ADAMTS2: variants seen among roughly 807,000 people sequenced by gnomAD.
ADAMTS2 encodes the protein ADAM metallopeptidase with thrombospondin type 1 motif 2, also known as A disintegrin and metalloproteinase with thrombospondin motifs 2.
Under a neutral mutation model 123.0 loss-of-function variants are expected in ADAMTS2, and 50 were observed. That is an observed-to-expected ratio of 0.41 (90% confidence interval 0.32 to 0.51). The LOEUF (loss-of-function observed/expected upper bound fraction) is 0.51. Ranked by LOEUF, ADAMTS2 falls within the 20% of genes least tolerant of loss-of-function variation. The probability of loss-of-function intolerance (pLI) is 0.35; values close to 1 mark genes in which losing one functional copy is unlikely to be tolerated. For missense variants in ADAMTS2, 1,494 were observed against 1,705.2 expected (o/e 0.88, Z 2.18); for synonymous variants, 678 against 695.4 (o/e 0.98, Z 0.39).
intron 7 of ADAMTS2, among the ~76,000 whole-genome samples, 158 bp downstream of exon 7, chr5:179,154,656 G>A (rs752032247): frequency 3.3e-5 from 5 of 152,208 alleles, no homozygotes; most frequent in African/African-American, 7.2e-5. Context: ...AGTGGGCCTC[G>A]GGCCAGCACT....
intron 4 of ADAMTS2, among the ~76,000 whole-genome samples, chr5:179,194,343 G>C (rs572520198): frequency 1.3e-5 from 2 of 152,286 alleles, no homozygotes; most frequent in East Asian, 3.9e-4. Context: ...TGCTCCCTGC[G>C]GTCTGGATCC....
At chr5:179,335,557 G>A (rs1056968674) in intron 2 of ADAMTS2, among the ~76,000 whole-genome samples, 17 of 152,258 alleles carry the variant, frequency 1.1e-4, no homozygotes, top group Non-Finnish European at 2.2e-4. Flanking sequence ...ACAGAAAGAT[G>A]GAAAAGTAGA....
chr5:179,343,608 C>A (rs920576128), intron 2 of ADAMTS2, among the ~76,000 whole-genome samples, 159 bp downstream of exon 2: 2 of 152,260 alleles, frequency 1.3e-5, no homozygotes, highest in Non-Finnish European at 2.9e-5. Context: ...GCTTTCCAGC[C>A]AAGCCCTTCA....
At position 179,181,102 on chromosome 5, in the gene ADAMTS2, C is replaced by T; in HGVS notation, c.945G>A (p.Leu315=). 1 of 1,613,976 alleles carries T rather than the reference C, an allele frequency of 6.2e-7. No individual in the cohort carries two copies. The highest frequency in any genetic ancestry group is 8.5e-7 in the Non-Finnish European group (1 of 1,179,980). Residue 315 remains leucine, a synonymous_variant, in exon 5 of 22, where the codon CTG becomes CTA. Coordinates refer to ENST00000251582, the MANE Select transcript of ADAMTS2 (RefSeq NM_014244.5). The surrounding 1 kb of genome is among the most constrained non-coding windows in gnomAD (Gnocchi z 4.1). ...CATAGCTCAGGAGGATGATCCGCAC[C>T]AGGACCACGTTGATGTGGGCACCCA... ...ESLGAHINVV[L]VRIILLSYGK... is the part of the protein sequence containing the mutation.
chr5:179,186,895 C>T (rs927994046), intron 4 of ADAMTS2, among the ~76,000 whole-genome samples: 2 of 141,162 alleles, frequency 1.4e-5, no homozygotes, highest in African/African-American at 5.2e-5. Context: ...GAATAGATCT[C>T]ACCTTCCCCT....
intron 3 of ADAMTS2, among the ~76,000 whole-genome samples, chr5:179,236,458 G>A (rs902741903): frequency 6.6e-6 from 1 of 152,168 alleles, no homozygotes; most frequent in African/African-American, 2.4e-5. Flanking sequence ...CTTAAGGTGG[G>A]GAACAAGAAT....
At position 179,181,934 on chromosome 5, in the gene ADAMTS2, G is replaced by T. The variant is rs755982196; in HGVS notation, c.892-779C>A. ...AGAAACATAGGTCAGGTTATCCCGGGCTCGAGGCTGTCAGGGGCTTCCTTC... is the reference window on the plus strand; with the variant it reads ...AGAAACATAGGTCAGGTTATCCCGGTCTCGAGGCTGTCAGGGGCTTCCTTC... On this transcript the variant is annotated intron_variant, in intron 4 of 21. Coordinates refer to ENST00000251582, the MANE Select transcript of ADAMTS2 (RefSeq NM_014244.5). This position sits in a 1 kb window ranked among gnomAD's most constrained non-coding sequence, Gnocchi z 4.1. Among the ~76,000 whole-genome samples the T allele has an allele frequency of 1.3e-5, 2 of 152,086 alleles. No individual in the cohort carries two copies. Among genetic ancestry groups the T allele is most frequent in the Non-Finnish European group, 2.9e-5 (2 of 68,016 alleles).
Position 179,256,923 on chromosome 5 carries a change from C to T in ADAMTS2, c.688+15988G>A, listed in dbSNP as rs1015562754. Among the ~76,000 whole-genome samples the T allele has an allele frequency of 1.4e-4, 21 of 152,258 alleles. No individual in the cohort carries two copies. Among genetic ancestry groups the T allele is most frequent in the Non-Finnish European group, 2.9e-5 (2 of 68,046 alleles). On this transcript the variant is annotated intron_variant, in intron 3 of 21. Transcript: ENST00000251582. The surrounding 1 kb of genome is among the most constrained non-coding windows in gnomAD (Gnocchi z 4.1). ...GAGGCCTGGCTTTAGTCCAGCACCC[C>T]GATGTACATACAGACGAGAAGACTG...
chr5:179,137,651 T>G (rs1763087771), intron 12 of ADAMTS2, 118 bp downstream of exon 12: 1 of 1,400,094 alleles, frequency 7.1e-7, no homozygotes, highest in Admixed American at 2.0e-5. Flanking sequence ...TGGGCTCTCC[T>G]GCCAGCCCAG....
chr5:179,194,250 C>G (rs1221092820), intron 4 of ADAMTS2, among the ~76,000 whole-genome samples: 1 of 152,132 alleles, frequency 6.6e-6, no homozygotes, highest in Non-Finnish European at 1.5e-5. Flanking sequence ...GAGGTGAGAT[C>G]CACCCACAAG....
In ADAMTS2 at chr5:179,345,122, C is replaced by A. The variant is rs1757902517; in HGVS notation, c.139+68G>T. The A allele has an allele frequency of 6.8e-6, 7 of 1,026,358 alleles. No individual in the cohort carries two copies. The South Asian group carries it at 3.2e-4, about 46-fold the overall frequency. 63.6% of individuals were successfully genotyped at this position (1,026,358 alleles called of 1,614,324 possible). Reference sequence around the variant, plus strand: ...GGCTGGACGACGCCTGGGGAGGGGGCGGCGGGGCACGCGGGACAGGGCCAG... The same window carrying A: ...GGCTGGACGACGCCTGGGGAGGGGGAGGCGGGGCACGCGGGACAGGGCCAG... On this transcript the variant is annotated intron_variant, in intron 1 of 21. Transcript: ENST00000251582. This position sits in a 1 kb window ranked among gnomAD's most constrained non-coding sequence, Gnocchi z 7.5.
chr5:179,270,704 A>C (rs1252686260), intron 3 of ADAMTS2, among the ~76,000 whole-genome samples: 3 of 152,172 alleles, frequency 2.0e-5, no homozygotes, highest in African/African-American at 7.2e-5. Flanking sequence ...CCCTCCACCC[A>C]GCTCCGGCAC....
intron 3 of ADAMTS2, among the ~76,000 whole-genome samples, chr5:179,209,776 G>A (rs1764809085): frequency 6.6e-6 from 1 of 152,216 alleles, no homozygotes; most frequent in South Asian, 2.1e-4. Flanking sequence ...TGACAGGGGG[G>A]TTGAGGAATC....
Position 179,312,294 on chromosome 5 carries a change from T to C in ADAMTS2, c.534+31473A>G, listed in dbSNP as rs1343669231. Among the ~76,000 whole-genome samples, 1 of 152,172 alleles carries C rather than the reference T, an allele frequency of 6.6e-6. No homozygotes were observed. Among genetic ancestry groups the C allele is most frequent in the Non-Finnish European group, 1.5e-5 (1 of 68,032 alleles). ...TTTATATTCCCCCCAAATTCCGATG[T>C]TGAAAGCTACTCCCCCAAGGTGATA... On this transcript the variant is annotated intron_variant, in intron 2 of 21. Transcript: ENST00000251582. The surrounding 1 kb of genome is among the most constrained non-coding windows in gnomAD (Gnocchi z 4.2).
In ADAMTS2 at chr5:179,242,869, A is replaced by C. The variant is rs338876; in HGVS notation, c.688+30042T>G. On this transcript the variant is annotated intron_variant, in intron 3 of 21. Transcript: ENST00000251582. This position sits in a 1 kb window ranked among gnomAD's most constrained non-coding sequence, Gnocchi z 4.2. ...GTAACTCCCTGCTGAGTGTGACCGAAAGGCCGGAGCACCTTCCTCCACCCA... is the reference window on the plus strand; with the variant it reads ...GTAACTCCCTGCTGAGTGTGACCGACAGGCCGGAGCACCTTCCTCCACCCA... Among the ~76,000 whole-genome samples the C allele has an allele frequency of 6.6e-6, 1 of 152,024 alleles. No individual in the cohort carries two copies. The highest frequency in any genetic ancestry group is 1.5e-5 in the Non-Finnish European group (1 of 67,992).
rs1757745891 is a variant in ADAMTS2 at position 179,340,661 on chromosome 5, T to G, written c.534+3106A>C. ...GACTTTTGGAGCCTCAGTTTATTCA[T>G]CTGTAGAAGGGGGATGATGTCGGGA... On this transcript the variant is annotated intron_variant, in intron 2 of 21. Transcript: ENST00000251582. Among the ~76,000 whole-genome samples, 3 of 152,272 alleles carry G rather than the reference T, an allele frequency of 2.0e-5. 1 individual carries two copies. The highest frequency in any genetic ancestry group is 2.0e-4 in the Admixed American group (3 of 15,296).
At chr5:179,315,272 T>TTCTGGAAAGCACTGAGGCCACAGTTGGCA (rs1756958130) in intron 2 of ADAMTS2, among the ~76,000 whole-genome samples, 1 of 152,232 alleles carries the variant, frequency 6.6e-6, no homozygotes. Context: ...CACAGTTGGC[T>TTCTGGAAAGCACTGAGGCCACAGTTGGCA]TCTGGAAAGC....
At chr5:179,182,568 C>A (rs1317295145) in intron 4 of ADAMTS2, among the ~76,000 whole-genome samples, 1 of 152,134 alleles carries the variant, frequency 6.6e-6, no homozygotes, top group African/African-American at 2.4e-5. Context: ...GATCCCGAGG[C>A]CCGCTGGCAT....
intron 3 of ADAMTS2, among the ~76,000 whole-genome samples, chr5:179,241,208 C>T (rs902698766): frequency 2.6e-5 from 4 of 152,174 alleles, no homozygotes; most frequent in African/African-American, 4.8e-5. Context: ...TGCCTTGTTT[C>T]GGGTGGAGGA....
Sources: gnomAD v4.1 joint callset for allele counts (sites outside exome capture counted in the v4.1 genomes callset) on GRCh38, gnomAD v4.1.1 for gene constraint, Gnocchi (gnomAD v3.1) non-coding constraint, MANE v1.5 for transcripts, NCBI Gene and HGNC (gene_info 2026-07-23, HGNC 2026-07-21) for gene names.